The following FRMD4A variants were observed in gnomAD, a reference collection of about 807,000 sequenced individuals.
FRMD4A encodes FERM domain-containing protein 4A.
In FRMD4A, 29 loss-of-function variants were observed where a neutral mutation model predicts 129.1. That is an observed-to-expected ratio of 0.22 (90% CI 0.17 to 0.31). The LOEUF is 0.31. Ranked by LOEUF, FRMD4A falls within the 10% of genes least tolerant of loss-of-function variation. The probability of loss-of-function intolerance (pLI) is 1.00; values close to 1 mark genes in which losing one functional copy is unlikely to be tolerated. For missense variants in FRMD4A, 1,272 were observed against 1,375.8 expected, an observed-to-expected ratio of 0.92 and a Z score of 1.19; for synonymous variants, 634 against 571.6, an observed-to-expected ratio of 1.11 and a Z score of -1.56.
rs1045323301 is a variant in FRMD4A at position 14,199,766 on chromosome 10, C to A, written c.45+130292G>T. Among the ~76,000 whole-genome samples the A allele has an allele frequency of 9.4e-5, 13 of 138,452 alleles. 1 individual carries two copies. The highest frequency in any genetic ancestry group is 4.1e-4 in the Admixed American group (6 of 14,592). 90.8% of individuals were successfully genotyped at this position (138,452 alleles called of 152,430 possible). A position where few individuals can be genotyped will look rare whatever the true frequency, so the allele number is the denominator to read the frequency against. ...CATCATATTTAGTTTTAATCTTAATCTTTCATTCTTTTTTATATTGATGTG... is the reference window on the plus strand; with the variant it reads ...CATCATATTTAGTTTTAATCTTAATATTTCATTCTTTTTTATATTGATGTG... On this transcript the variant is annotated intron_variant, in intron 2 of 24. Coordinates refer to ENST00000357447, the MANE Select transcript of FRMD4A (RefSeq NM_018027.5).
At chr10:14,148,343 G>A (rs551534299) in intron 2 of FRMD4A, among the ~76,000 whole-genome samples, 1 of 152,290 alleles carries the variant, frequency 6.6e-6, no homozygotes, top group South Asian at 2.1e-4. Context: ...TTTCAACATG[G>A]TTGACTAAAA....
At position 13,821,780 on chromosome 10, in the gene FRMD4A, C is replaced by A. The variant is rs1409618141; in HGVS notation, c.112-10872G>T. Among the ~76,000 whole-genome samples, 5 of 152,060 alleles carry A rather than the reference C, an allele frequency of 3.3e-5. No individual in the cohort carries two copies. The highest frequency in any genetic ancestry group is 6.6e-5 in the Admixed American group (1 of 15,262). ...GGGTCACCCAGGATTATAGGAAGAG[C>A]CAGAGAGACCATCTGCCCAGCCCAC... is the stretch of plus-strand genomic sequence containing the variant. On this transcript the variant is annotated intron_variant, in intron 3 of 24. Transcript: ENST00000357447. This position sits in a 1 kb window ranked among gnomAD's most constrained non-coding sequence, Gnocchi z 4.3.
At chr10:13,859,878 G>T (rs1490539061) in intron 2 of FRMD4A, among the ~76,000 whole-genome samples, 1 of 152,190 alleles carries the variant, frequency 6.6e-6, no homozygotes, top group African/African-American at 2.4e-5. Flanking sequence ...AAGCCTGGGA[G>T]ACCCAAGTCT....
intron 14 of FRMD4A, among the ~76,000 whole-genome samples, chr10:13,696,956 G>T (rs1564633171): frequency 6.6e-6 from 1 of 152,180 alleles, no homozygotes; most frequent in Non-Finnish European, 1.5e-5. Flanking sequence ...GCTGTAATTT[G>T]CTAACTGAGG....
intron 2 of FRMD4A, among the ~76,000 whole-genome samples, chr10:13,994,712 G>A (rs1378886597): frequency 2.6e-5 from 4 of 152,146 alleles, no homozygotes; most frequent in Admixed American, 1.3e-4. Flanking sequence ...ACAGACATAT[G>A]TATTTTTTCC....
chr10:13,737,231 A>G (rs1169989077), intron 12 of FRMD4A, among the ~76,000 whole-genome samples: 2 of 152,218 alleles, frequency 1.3e-5, no homozygotes, highest in African/African-American at 4.8e-5. Context: ...CTGGGATTAC[A>G]GGCATGCACC....
chr10:13,670,700 G>A (rs1274968016), intron 16 of FRMD4A, among the ~76,000 whole-genome samples, 172 bp from the exon 17 acceptor site: 1 of 152,192 alleles, frequency 6.6e-6, no homozygotes, highest in East Asian at 1.9e-4. Context: ...CTAAGTAAGA[G>A]GTCAAGAAAT....
intron 6 of FRMD4A, among the ~76,000 whole-genome samples, chr10:13,774,840 T>C (rs2092557723): frequency 6.6e-6 from 1 of 151,492 alleles, no homozygotes; most frequent in Non-Finnish European, 1.5e-5. Context: ...CATAGAATAA[T>C]AATGATAACT....
At chr10:13,864,388 T>C (rs1032468905) in intron 2 of FRMD4A, among the ~76,000 whole-genome samples, 1 of 151,248 alleles carries the variant, frequency 6.6e-6, no homozygotes, top group Non-Finnish European at 1.5e-5. Flanking sequence ...TATGTCTTAC[T>C]GAGAATAGTT....
At chr10:14,199,763 A>ACCACAGGCACCCCCACCTTGCAAGGCT (rs1186857455) in intron 2 of FRMD4A, among the ~76,000 whole-genome samples, 1 of 150,536 alleles carries the variant, frequency 6.6e-6, no homozygotes, top group Non-Finnish European at 1.5e-5. Flanking sequence ...TTTTAATCTT[A>ACCACAGGCACCCCCACCTTGCAAGGCT]ATCTTTCATT....
chr10:14,070,345 T>C (rs572284944), intron 2 of FRMD4A, among the ~76,000 whole-genome samples: 3 of 152,318 alleles, frequency 2.0e-5, no homozygotes, highest in African/African-American at 7.2e-5. Context: ...CTCAGATAAG[T>C]GACACTCCAA....
At chr10:14,251,698 T>G (rs1018428638) in intron 2 of FRMD4A, among the ~76,000 whole-genome samples, 2 of 152,168 alleles carry the variant, frequency 1.3e-5, no homozygotes, top group African/African-American at 4.8e-5. Flanking sequence ...TCTCTTTGAG[T>G]GGCTCAGGGT....
In FRMD4A at chr10:14,299,218, T is replaced by A. The variant is rs1346172601; in HGVS notation, c.45+30840A>T. On this transcript the variant is annotated intron_variant, in intron 2 of 24. Coordinates refer to ENST00000357447, the MANE Select transcript of FRMD4A (RefSeq NM_018027.5). ...TCTGATGGAAAACTTCTTGTCAAAG[T>A]GTCCATAAAAAAGAACAGTCTGCTT... 2.0e-5 allele frequency among the ~76,000 whole-genome samples: 3 copies of A among 152,166 alleles called. No homozygotes were observed. The East Asian group carries it at 5.8e-4, about 29-fold the overall frequency.
intron 18 of FRMD4A, among the ~76,000 whole-genome samples, chr10:13,665,050 T>G (rs564488064): frequency 3.9e-5 from 6 of 152,190 alleles, no homozygotes; most frequent in Non-Finnish European, 8.8e-5. Flanking sequence ...GCCTGGCTAA[T>G]TTTTGTATTT....
chr10:14,272,685 T>C (rs78244408), intron 2 of FRMD4A, among the ~76,000 whole-genome samples: 9,773 of 152,238 alleles, frequency 0.064, 396 homozygotes, highest in Non-Finnish European at 0.09. Context: ...CTACATTCCA[T>C]TAAAGTCATG....
chr10:14,227,213 C>A (rs1843469707), intron 2 of FRMD4A, among the ~76,000 whole-genome samples: 1 of 148,866 alleles, frequency 6.7e-6, no homozygotes, highest in Non-Finnish European at 1.5e-5. Context: ...TTTCTTCTTT[C>A]CCCTTCCTCC....
At chr10:14,182,065 CTTTG>C (rs990244188) in intron 2 of FRMD4A, among the ~76,000 whole-genome samples, 8 of 152,278 alleles carry the variant, frequency 5.3e-5, no homozygotes, top group South Asian at 2.1e-4. Context: ...CTTTCAAAAG[CTTTG>C]TTTATTTGTG....
rs1842473910 is a variant in FRMD4A at position 14,196,393 on chromosome 10, C to T, written c.45+133665G>A. 2.0e-5 allele frequency among the ~76,000 whole-genome samples: 3 copies of T among 152,326 alleles called. No homozygotes were observed. The South Asian group carries it at 6.2e-4, about 32-fold the overall frequency. ...TAGCCCAAGCTGCAAGAGTTCCAGACAGGCTGTAAAACATTAAAATGTTCC... is the reference window on the plus strand; with the variant it reads ...TAGCCCAAGCTGCAAGAGTTCCAGATAGGCTGTAAAACATTAAAATGTTCC... On this transcript the variant is annotated intron_variant, in intron 2 of 24. Coordinates refer to ENST00000357447, the MANE Select transcript of FRMD4A (RefSeq NM_018027.5).
intron 2 of FRMD4A, among the ~76,000 whole-genome samples, chr10:14,295,224 G>A (rs1309941365): frequency 6.6e-6 from 1 of 152,128 alleles, no homozygotes; most frequent in Non-Finnish European, 1.5e-5. Context: ...ACATGGGAAA[G>A]CCACCTCCTG....
Sources: allele counts gnomAD v4.1 joint callset (sites outside exome capture counted in the v4.1 genomes callset), GRCh38; gene constraint gnomAD v4.1.1; non-coding constraint Gnocchi (gnomAD v3.1); transcripts MANE v1.5; gene names NCBI Gene and HGNC (gene_info 2026-07-23, HGNC 2026-07-21).